The following ANO2 variants were observed in gnomAD, a reference collection of about 807,000 sequenced individuals.
ANO2 encodes the protein anoctamin 2, also known as anoctamin-2.
Under a neutral mutation model 124.2 loss-of-function variants are expected in ANO2, and 101 were observed. The observed-to-expected ratio is 0.81, with a 90% CI of 0.69 to 0.96. ANO2 has a LOEUF of 0.96. ANO2 is among the 40% of genes least tolerant of loss of function. The pLI is 0.00. For synonymous variants in ANO2, 486 were observed against 482.5 expected, an observed-to-expected ratio of 1.01 and a Z score of -0.09; for missense variants, 1,293 against 1,274.5, an observed-to-expected ratio of 1.01 and a Z score of -0.22.
At chr12:5,794,129 T>C (rs1453177963) in intron 10 of ANO2, among the ~76,000 whole-genome samples, 1 of 152,228 alleles carries the variant, frequency 6.6e-6, no homozygotes, top group African/African-American at 2.4e-5. Flanking sequence ...AAAGGAAGAA[T>C]AGACTTCAGG....
In ANO2 at chr12:5,854,067, C is replaced by T; in HGVS notation, c.609G>A (p.Leu203=). Residue 203 remains leucine, a synonymous_variant, in exon 4 of 25, where the codon TTG becomes TTA. Transcript: ENST00000682330. The part of the protein sequence containing the change: ...WQVLAREAEF[L]KIKVPTKKMY... ...CTTTCTTGGTAGGAACTTTGATCTTCAAGAATTCTGCCTCTCTGGCCAGCA... is the reference window on the plus strand; with the variant it reads ...CTTTCTTGGTAGGAACTTTGATCTTTAAGAATTCTGCCTCTCTGGCCAGCA... 6.2e-7 allele frequency: 1 copy of T among 1,613,532 alleles called. No homozygotes were observed. Among genetic ancestry groups the T allele is most frequent in the Non-Finnish European group, 8.5e-7 (1 of 1,179,602 alleles).
intron 14 of ANO2, among the ~76,000 whole-genome samples, chr12:5,698,505 C>A (rs1242882394): frequency 6.6e-6 from 1 of 152,148 alleles, no homozygotes; most frequent in Non-Finnish European, 1.5e-5. Context: ...AGAAACCAGA[C>A]CAGAAAAGCT....
At position 5,881,574 on chromosome 12, in the gene ANO2, T is replaced by C. The variant is rs889067372; in HGVS notation, c.535-27433A>G. Among the ~76,000 whole-genome samples the C allele has an allele frequency of 1.3e-5, 2 of 152,360 alleles. 1 individual carries two copies. Among genetic ancestry groups the C allele is most frequent in the Admixed American group, 1.3e-4 (2 of 15,308 alleles). On this transcript the variant is annotated intron_variant, in intron 3 of 24. Transcript: ENST00000682330. ...GCTCATTTTTGAGATTTACAGCCTT[T>C]AACCAATCCTCTGGATGCAAGGCAT...
chr12:5,879,932 T>C (rs1175113134), intron 3 of ANO2, among the ~76,000 whole-genome samples: 1 of 152,226 alleles, frequency 6.6e-6, no homozygotes. Flanking sequence ...AAGATCACTC[T>C]GATAGAGCAT....
chr12:5,936,770 A>T (rs547925719), intron 1 of ANO2, among the ~76,000 whole-genome samples: 1 of 152,326 alleles, frequency 6.6e-6, no homozygotes, highest in Non-Finnish European at 1.5e-5. Flanking sequence ...TAACTACTAC[A>T]TTTACATCTA....
chr12:5,659,446 A>G (rs1457167841), intron 14 of ANO2, among the ~76,000 whole-genome samples: 1 of 152,084 alleles, frequency 6.6e-6, no homozygotes, highest in East Asian at 1.9e-4. Context: ...GGACTCACCT[A>G]TGACTGACCC....
At chr12:5,813,386 C>G (rs17786352) in intron 7 of ANO2, among the ~76,000 whole-genome samples, 45,141 of 151,962 alleles carry the variant, frequency 0.3, 7,145 homozygotes, top group Middle Eastern at 0.37. Flanking sequence ...TCTAGAGTTC[C>G]TAAGAATCAC....
In ANO2 at chr12:5,799,558, T is replaced by C. The variant is rs1177282000; in HGVS notation, c.1004A>G (p.Glu335Gly). 5.6e-6 allele frequency: 9 copies of C among 1,613,812 alleles called. No homozygotes were observed. The highest frequency in any genetic ancestry group is 7.6e-6 in the Non-Finnish European group (9 of 1,179,864). Reference sequence around the variant, plus strand: ...ATAGAACACTCCATAGCGCGCCCATTCTTGATATAGCAGCTAAACAAAGAA... The same window carrying C: ...ATAGAACACTCCATAGCGCGCCCATCCTTGATATAGCAGCTAAACAAAGAA... ...DMNDRKLLYQ[E>G]WARYGVFYKF... Residue 335 changes from glutamate to glycine, a missense_variant, in exon 10 of 25, where the codon GAA (glutamate) becomes GGA (glycine). Glu to Gly is a moderately conservative substitution (Grantham distance 98). Transcript: ENST00000682330.
At chr12:5,570,749 A>T (rs1354862434) in intron 23 of ANO2, among the ~76,000 whole-genome samples, 1 of 152,246 alleles carries the variant, frequency 6.6e-6, no homozygotes, top group Non-Finnish European at 1.5e-5. Context: ...AAATAGTGGC[A>T]TGTAAAAAAC....
chr12:5,744,852 G>A (rs189150244), intron 11 of ANO2, among the ~76,000 whole-genome samples: 32 of 152,314 alleles, frequency 2.1e-4, no homozygotes, highest in Non-Finnish European at 3.2e-4. Flanking sequence ...GGGGAAGAAC[G>A]GAGTAGATCT....
intron 14 of ANO2, among the ~76,000 whole-genome samples, chr12:5,672,744 A>C (rs1948073565): frequency 6.6e-6 from 1 of 152,126 alleles, no homozygotes; most frequent in African/African-American, 2.4e-5. Context: ...AATATCATCC[A>C]CCCCAGGCAA....
chr12:5,842,466 C>T (rs564379317), intron 4 of ANO2, among the ~76,000 whole-genome samples: 1 of 152,258 alleles, frequency 6.6e-6, no homozygotes, highest in East Asian at 1.9e-4. Flanking sequence ...ATGCCCTGCC[C>T]TTTTCTCGCA....
chr12:5,701,809 T>C (rs1591945824), intron 14 of ANO2, among the ~76,000 whole-genome samples: 1 of 152,188 alleles, frequency 6.6e-6, no homozygotes, highest in Non-Finnish European at 1.5e-5. Context: ...TCTTCCTCTT[T>C]TTTCCCAAAG....
At chr12:5,778,745 C>T (rs1181956184) in intron 10 of ANO2, among the ~76,000 whole-genome samples, 3 of 151,954 alleles carry the variant, frequency 2.0e-5, no homozygotes, top group Non-Finnish European at 4.4e-5. Context: ...ATGTTAAGTG[C>T]CAAATAAGGT....
chr12:5,783,470 G>A (rs1055600732), intron 10 of ANO2, among the ~76,000 whole-genome samples: 4 of 152,188 alleles, frequency 2.6e-5, no homozygotes, highest in Non-Finnish European at 5.9e-5. Flanking sequence ...ACGGGGAACA[G>A]AAAGAGATGA....
At chr12:5,688,215 AC>A (rs1395535541) in intron 14 of ANO2, among the ~76,000 whole-genome samples, 1 of 152,128 alleles carries the variant, frequency 6.6e-6, no homozygotes, top group Non-Finnish European at 1.5e-5. Flanking sequence ...GGCTGAGCTC[AC>A]CCATTCTCTT....
chr12:5,902,156 C>T (rs1287401467), intron 3 of ANO2, among the ~76,000 whole-genome samples: 5 of 152,176 alleles, frequency 3.3e-5, no homozygotes, highest in South Asian at 4.1e-4. Flanking sequence ...CACCTCACTT[C>T]GAACAAACTT....
chr12:5,809,630 C>T (rs1953322124), intron 7 of ANO2, among the ~76,000 whole-genome samples: 1 of 152,236 alleles, frequency 6.6e-6, no homozygotes, highest in Admixed American at 6.5e-5. Context: ...CTGCCAGATC[C>T]TCAGAAATGC....
intron 20 of ANO2, among the ~76,000 whole-genome samples, chr12:5,592,980 A>G (rs962114956): frequency 1.3e-5 from 2 of 152,206 alleles, no homozygotes; most frequent in African/African-American, 4.8e-5. Context: ...CATTTCCTTG[A>G]CACGGTGATT....
Sources: gnomAD v4.1 joint callset for allele counts (sites outside exome capture counted in the v4.1 genomes callset) on GRCh38, gnomAD v4.1.1 for gene constraint, MANE v1.5 for transcripts, NCBI Gene and HGNC (gene_info 2026-07-23, HGNC 2026-07-21) for gene names.